CCSER1: variants seen among roughly 807,000 people sequenced by gnomAD.
The protein encoded by CCSER1 is coiled-coil serine rich protein 1, also known as serine-rich coiled-coil domain-containing protein 1.
A neutral mutation model predicts 82.0 loss-of-function variants in CCSER1; 41 were observed. That is an observed-to-expected ratio of 0.50 (90% CI 0.39 to 0.65). CCSER1 has a LOEUF of 0.65. Ranked by LOEUF, CCSER1 falls within the 30% of genes least tolerant of loss-of-function variation. The probability of loss-of-function intolerance (pLI) is 0.00; values close to 1 mark genes in which losing one functional copy is unlikely to be tolerated. For synonymous variants in CCSER1, 414 were observed against 383.9 expected (o/e 1.08, Z -0.92); for missense variants, 1,119 against 1,064.2 (o/e 1.05, Z -0.72).
chr4:90,389,958 A>G (rs1366628054), intron 3 of CCSER1, among the ~76,000 whole-genome samples: 1 of 152,158 alleles, frequency 6.6e-6, no homozygotes, highest in Admixed American at 6.5e-5. Context: ...TGTCATTATC[A>G]TGAGGCATTT....
At chr4:90,344,049 C>T (rs756709845) in intron 3 of CCSER1, among the ~76,000 whole-genome samples, 2 of 152,138 alleles carry the variant, frequency 1.3e-5, no homozygotes, top group African/African-American at 2.4e-5. Context: ...ACTAACCTCC[C>T]CAGCCTCTGG....
chr4:90,538,088 T>A (rs961173931), intron 5 of CCSER1, among the ~76,000 whole-genome samples: 6 of 152,158 alleles, frequency 3.9e-5, no homozygotes, highest in Admixed American at 3.9e-4. Context: ...CCTGCTCTGA[T>A]CTGCACAGAT....
intron 8 of CCSER1, among the ~76,000 whole-genome samples, chr4:90,860,185 G>A (rs1409201759): frequency 1.3e-5 from 2 of 151,184 alleles, no homozygotes; most frequent in African/African-American, 4.9e-5. Flanking sequence ...TTTTAAAATG[G>A]GCATACCATT....
rs148290518 is a variant in CCSER1 at position 90,499,160 on chromosome 4, A to C, written c.1724+30806A>C. 6.0e-3 allele frequency among the ~76,000 whole-genome samples: 917 copies of C among 151,612 alleles called. 13 individuals carry two copies. Among genetic ancestry groups the C allele is most frequent in the African/African-American group, 0.021 (857 of 41,388 alleles). On this transcript the variant is annotated intron_variant, in intron 5 of 10. Coordinates refer to ENST00000509176, the MANE Select transcript of CCSER1 (RefSeq NM_001145065.2). ...TATGTGTGTGTTTGTGTGTATTTGT[A>C]TGTGACATTTTAAGGCTTTATTACC...
intron 5 of CCSER1, among the ~76,000 whole-genome samples, chr4:90,515,258 A>G (rs1772107444): frequency 6.6e-6 from 1 of 152,224 alleles, no homozygotes; most frequent in East Asian, 1.9e-4. Flanking sequence ...GTTCTATGCA[A>G]TGACATTTAA....
At chr4:90,271,826 T>TTATTTATATATATATA (rs1726338480) in intron 1 of CCSER1, among the ~76,000 whole-genome samples, 5 of 42,872 alleles carry the variant, frequency 1.2e-4, no homozygotes. Flanking sequence ...ACTGGACAAT[T>TTATTTATATATATATA]TATATATATA....
intron 10 of CCSER1, among the ~76,000 whole-genome samples, chr4:91,337,191 A>ATCTT (rs5860231): frequency 0.25 from 37,447 of 151,916 alleles, 4,943 homozygotes; most frequent in Middle Eastern, 0.41. Flanking sequence ...AAGTTAGTCT[A>ATCTT]GAGAAATTTA....
chr4:90,438,314 C>A (rs2153570934), intron 4 of CCSER1, among the ~76,000 whole-genome samples: 1 of 152,004 alleles, frequency 6.6e-6, no homozygotes, highest in East Asian at 1.9e-4. Flanking sequence ...TAGGGTAAAA[C>A]AATTAATGGA....
chr4:90,830,269 C>T (rs1290322993), intron 8 of CCSER1, among the ~76,000 whole-genome samples: 1 of 152,100 alleles, frequency 6.6e-6, no homozygotes, highest in Non-Finnish European at 1.5e-5. Context: ...CTTACCTCAC[C>T]CTTGGCCGTA....
At chr4:91,264,141 T>C (rs1741396017) in intron 10 of CCSER1, among the ~76,000 whole-genome samples, 1 of 152,000 alleles carries the variant, frequency 6.6e-6, no homozygotes, top group South Asian at 2.1e-4. Flanking sequence ...ACTGTTGTAA[T>C]TTTTCTAAAG....
chr4:90,268,675 A>T (rs937651401), intron 1 of CCSER1, among the ~76,000 whole-genome samples: 1 of 152,138 alleles, frequency 6.6e-6, no homozygotes, highest in Admixed American at 6.5e-5. Context: ...AAATAACAAA[A>T]TGGCAGGAGT....
intron 6 of CCSER1, among the ~76,000 whole-genome samples, chr4:90,686,769 C>T (rs1265131205): frequency 1.3e-5 from 2 of 152,070 alleles, no homozygotes; most frequent in Non-Finnish European, 1.5e-5. Flanking sequence ...GGTAATTAAC[C>T]ACTAAGATTT....
intron 3 of CCSER1, among the ~76,000 whole-genome samples, chr4:90,368,474 A>G (rs6848509): frequency 6.6e-6 from 1 of 151,292 alleles, no homozygotes; most frequent in African/African-American, 2.4e-5. Flanking sequence ...TGTCTCCACA[A>G]AAGAAAAAAA....
chr4:90,684,750 T>C (rs1238547359), intron 6 of CCSER1, among the ~76,000 whole-genome samples: 1 of 151,958 alleles, frequency 6.6e-6, no homozygotes, highest in Admixed American at 6.6e-5. Flanking sequence ...AATTGAATCA[T>C]GGGGGCAGAT....
intron 8 of CCSER1, among the ~76,000 whole-genome samples, chr4:90,822,403 G>A (rs2149791442): frequency 6.6e-6 from 1 of 152,246 alleles, no homozygotes; most frequent in South Asian, 2.1e-4. Flanking sequence ...AAATGTATCA[G>A]ATACAGCTTT....
At chr4:91,062,044 A>C (rs1219895375) in intron 9 of CCSER1, among the ~76,000 whole-genome samples, 1 of 151,706 alleles carries the variant, frequency 6.6e-6, no homozygotes, top group Non-Finnish European at 1.5e-5. Flanking sequence ...CTCTCTCTCT[A>C]GTTTTCTACT....
At chr4:91,383,048 T>A (rs1333633980) in intron 10 of CCSER1, among the ~76,000 whole-genome samples, 4 of 152,126 alleles carry the variant, frequency 2.6e-5, no homozygotes, top group African/African-American at 9.7e-5. Context: ...TATCTACATT[T>A]TTAACATAAT....
At chr4:91,056,306 T>TAA (rs34672765) in intron 9 of CCSER1, among the ~76,000 whole-genome samples, 8 of 149,348 alleles carry the variant, frequency 5.4e-5, no homozygotes, top group Admixed American at 2.7e-4. Flanking sequence ...GGGTAATTTA[T>TAA]AAAAAAAAAG....
At chr4:90,550,471 G>A (rs1324047182) in intron 5 of CCSER1, among the ~76,000 whole-genome samples, 9 of 152,052 alleles carry the variant, frequency 5.9e-5, no homozygotes, top group South Asian at 2.1e-4. Context: ...CTTTTTGGCA[G>A]AAGAACTTTT....
Sources: gnomAD v4.1 joint callset for allele counts (sites outside exome capture counted in the v4.1 genomes callset) on GRCh38, gnomAD v4.1.1 for gene constraint, MANE v1.5 for transcripts, NCBI Gene and HGNC (gene_info 2026-07-23, HGNC 2026-07-21) for gene names.